PLXND1: variants seen among roughly 807,000 people sequenced by gnomAD.
The protein encoded by PLXND1 is plexin-D1.
PLXND1 carries 54 observed loss-of-function variants against 197.7 expected under a neutral mutation model. That is an observed-to-expected ratio of 0.27 (90% confidence interval 0.22 to 0.34). PLXND1 has a LOEUF of 0.34. Ranked by LOEUF, PLXND1 falls within the 10% of genes least tolerant of loss-of-function variation. The pLI is 1.00. For synonymous variants in PLXND1, 1,180 were observed against 1,161.2 expected (o/e 1.02, Z -0.33); for missense variants, 2,127 against 2,699.2 (o/e 0.79, Z 4.70).
intron 32 of PLXND1, among the ~76,000 whole-genome samples, chr3:129,559,002 G>T (rs2085017394): frequency 6.6e-6 from 1 of 152,120 alleles, no homozygotes; most frequent in African/African-American, 2.4e-5. Context: ...GCCAGAGAGG[G>T]TGAGCAACAC....
chr3:129,596,944 G>A (rs2085634346), intron 1 of PLXND1, among the ~76,000 whole-genome samples: 1 of 152,194 alleles, frequency 6.6e-6, no homozygotes, highest in Non-Finnish European at 1.5e-5. Context: ...CTCTCCAGCT[G>A]CCCACATCCG....
chr3:129,570,921 G>C lies in PLXND1; in HGVS notation c.3615C>G (p.Ser1205Arg), dbSNP rs2085215353. 1 of 1,614,230 alleles carries C rather than the reference G, an allele frequency of 6.2e-7. No individual in the cohort carries two copies. Among genetic ancestry groups the C allele is most frequent in the East Asian group, 2.2e-5 (1 of 44,882 alleles). The change falls in exon 19 of 36, where the codon AGC (serine) becomes AGG (arginine). Residue 1205 changes from serine to arginine, a missense_variant. Physicochemically the swap from Ser to Arg is moderately radical, Grantham distance 110 (BLOSUM62 -1). Around this residue, in one of 6 missense-constraint regions of PLXND1, gnomAD observed 532 missense variants for 811.0 expected, o/e 0.66. Coordinates refer to ENST00000324093, the MANE Select transcript of PLXND1 (RefSeq NM_015103.3). ...GGTACTCGTGACTCTGGAGCCCCAGGCTGTCCTGCTCCTTCTGTGGGTGCA... is the reference window on the plus strand; with the variant it reads ...GGTACTCGTGACTCTGGAGCCCCAGCCTGTCCTGCTCCTTCTGTGGGTGCA... ...LTLVIHKEQD[S>R]LGLQSHEYRV...
intron 20 of PLXND1, chr3:129,569,542 A>C: frequency 2.8e-6 from 1 of 356,168 alleles, no homozygotes; most frequent in East Asian, 5.1e-5. Context: ...TCCTCTCTTA[A>C]GTACCTTCAG....
rs372525375 is a variant in PLXND1 at position 129,572,844 on chromosome 3, C to T, written c.2935G>A (p.Val979Met). The T allele has an allele frequency of 8.1e-6, 13 of 1,613,542 alleles. No homozygotes were observed. Among genetic ancestry groups the T allele is most frequent in the African/African-American group, 4.0e-5 (3 of 74,928 alleles). Reference sequence around the variant, plus strand: ...AGTGGGCTGCAGCCCCCCCTTACCACGTAGGAGAAGCGGTCCCGGGACTTG... The same window carrying T: ...AGTGGGCTGCAGCCCCCCCTTACCATGTAGGAGAAGCGGTCCCGGGACTTG... ...EGKSRDRFSY[V>M]LPLVHSLEPT... Residue 979 changes from valine (V) to methionine (M), a missense_variant and splice_region_variant, in exon 14 of 36, where the codon GTG becomes ATG. By Grantham distance (21) the Val-to-Met change is conservative. Transcript: ENST00000324093.
At chr3:129,603,346 G>A (rs989460643) in intron 1 of PLXND1, among the ~76,000 whole-genome samples, 2 of 152,152 alleles carry the variant, frequency 1.3e-5, no homozygotes, top group African/African-American at 4.8e-5. Context: ...AGCGGACCGT[G>A]GGAACCAGAA....
chr3:129,563,316 C>T (rs1422583252), intron 25 of PLXND1, 76 bp from the exon 26 acceptor site: 33 of 1,251,278 alleles, frequency 2.6e-5, no homozygotes, highest in African/African-American at 3.0e-5. Context: ...AACACCTTCA[C>T]GCCCCCGTCC....
chr3:129,573,520 AG>A, intron 13 of PLXND1, 73 bp downstream of exon 13: 2 of 1,381,680 alleles, frequency 1.4e-6, no homozygotes, highest in Non-Finnish European at 1.0e-6. Context: ...GAGGATGGGG[AG>A]GGAGGAGTGA....
Position 129,557,306 on chromosome 3 carries a change from C to T in PLXND1, c.5446-83G>A, listed in dbSNP as rs2084988941. 1 of 1,489,982 alleles carries T rather than the reference C, an allele frequency of 6.7e-7. No homozygotes were observed. Among genetic ancestry groups the T allele is most frequent in the East Asian group, 2.3e-5 (1 of 43,926 alleles). 92.3% of individuals were successfully genotyped at this position (1,489,982 alleles called of 1,614,324 possible). ...GTTTTCTGGATGAGCCCTCATCCCT[C>T]CTGCCACATAAGTGACCTTAGCAGG... On this transcript the variant is annotated intron_variant, in intron 33 of 35. Transcript: ENST00000324093. This position sits in a 1 kb window ranked among gnomAD's most constrained non-coding sequence, Gnocchi z 4.8.
intron 20 of PLXND1, chr3:129,569,588 T>G (rs1224862411): frequency 2.1e-6 from 1 of 470,714 alleles, no homozygotes; most frequent in East Asian, 3.5e-5. Context: ...GGTTCCAAAT[T>G]TCTCTGCTTG....
intron 1 of PLXND1, among the ~76,000 whole-genome samples, chr3:129,595,921 G>GCGCACACGCACACACACACA (rs138452605): frequency 1.4e-5 from 2 of 146,514 alleles, no homozygotes; most frequent in Admixed American, 1.4e-4. Flanking sequence ...GTGCACGCAC[G>GCGCACACGCACACACACACA]CACACACACA....
chr3:129,606,602 G>T lies in PLXND1; in HGVS notation c.38C>A (p.Ala13Asp). The T allele has an allele frequency of 8.3e-7, 1 of 1,199,802 alleles. No homozygotes were observed. The allele number at this position is 1,199,802 out of a possible 1,614,324, so 74.3% of individuals were successfully genotyped here. A position where few individuals can be genotyped will look rare whatever the true frequency, so the allele number is the denominator to read the frequency against. The change falls in exon 1 of 36, where the codon GCC becomes GAC. Residue 13 changes from alanine (A) to aspartate (D), a missense_variant. Transcript: ENST00000324093. ...CGGGGGGCTGGCGGCGGCGGCCCGG[G>T]CGCTAAGGGGTGCGCCGCCCGCGGC... ...PRAAGGAPLS[A>D]RAAAASPPPF... is the part of the protein sequence containing the mutation.
At position 129,563,100 on chromosome 3, in the gene PLXND1, C is replaced by T. The variant is rs1448672576; in HGVS notation, c.4662G>A (p.Lys1554=). Residue 1554 remains lysine (K), a synonymous_variant, in exon 26 of 36, where the codon AAG becomes AAA. Coordinates refer to ENST00000324093, the MANE Select transcript of PLXND1 (RefSeq NM_015103.3). The part of the protein sequence containing the change: ...EWLLRENIEA[K]PRNLNVSFQG... ...CCCCGCCCTGCCGACTTACCCGGGG[C>T]TTGGCCTCGATGTTCTCCCGCAGCA... The T allele has an allele frequency of 6.2e-7, 1 of 1,613,502 alleles. No homozygotes were observed. The highest frequency in any genetic ancestry group is 1.3e-5 in the African/African-American group (1 of 74,952).
At position 129,595,921 on chromosome 3, in the gene PLXND1, G is replaced by GCGCGCACACACACA. The variant is rs138452605; in HGVS notation, c.1312-6395_1312-6394insTGTGTGTGTGCGCG. Among the ~76,000 whole-genome samples the GCGCGCACACACACA allele has an allele frequency of 7.8e-4, 115 of 146,510 alleles. No homozygotes were observed. In the East Asian group the frequency reaches 9.7e-3, roughly 12 times the overall value. On this transcript the variant is annotated intron_variant, in intron 1 of 35. Coordinates refer to ENST00000324093, the MANE Select transcript of PLXND1 (RefSeq NM_015103.3). ...CTTACAGCCCTGGGGGTGCACGCAC[G>GCGCGCACACACACA]CACACACACACACACACACACACAC... is the stretch of plus-strand genomic sequence containing the variant.
intron 31 of PLXND1, 64 bp downstream of exon 31, chr3:129,560,266 C>T: frequency 2.9e-6 from 3 of 1,040,334 alleles, no homozygotes; most frequent in Non-Finnish European, 4.5e-6. Context: ...GAGCAATGAC[C>T]CTCTGGAGCT....
chr3:129,559,513 G>T, intron 32 of PLXND1, 107 bp downstream of exon 32: 1 of 817,284 alleles, frequency 1.2e-6, no homozygotes, highest in Non-Finnish European at 1.9e-6. Context: ...AAATGGCAGA[G>T]GAGGGCTTGA....
intron 17 of PLXND1, 52 bp downstream of exon 17, chr3:129,571,457 T>C: frequency 1.9e-6 from 3 of 1,546,176 alleles, no homozygotes; most frequent in Non-Finnish European, 2.7e-6. Context: ...GTTAGGGCCC[T>C]GGCTGTGCCT....
At chr3:129,584,825 C>T (rs752749861) in intron 5 of PLXND1, among the ~76,000 whole-genome samples, 35 of 152,212 alleles carry the variant, frequency 2.3e-4, no homozygotes, top group Non-Finnish European at 4.7e-4. Flanking sequence ...CTGACCCCAT[C>T]CCCTAATACT....
chr3:129,582,337 C>T (rs1196262538), intron 8 of PLXND1, among the ~76,000 whole-genome samples: 4 of 152,258 alleles, frequency 2.6e-5, no homozygotes, highest in Non-Finnish European at 5.9e-5. Context: ...GCTGCAGAGG[C>T]TCTGGGCGCT....
chr3:129,597,043 G>C (rs1167461716), intron 1 of PLXND1, among the ~76,000 whole-genome samples: 2 of 152,274 alleles, frequency 1.3e-5, no homozygotes, highest in Non-Finnish European at 2.9e-5. Context: ...GCTGTGTGCA[G>C]TCTGCTTTGT....
Sources: allele counts gnomAD v4.1 joint callset (sites outside exome capture counted in the v4.1 genomes callset), GRCh38; gene constraint gnomAD v4.1.1; regional missense constraint gnomAD v4.1.1; non-coding constraint Gnocchi (gnomAD v3.1); transcripts MANE v1.5; gene names NCBI Gene and HGNC (gene_info 2026-07-23, HGNC 2026-07-21).